Variants in ATXN3 observed in about 807,000 individuals in gnomAD.
ATXN3 encodes ataxin-3.
ATXN3 carries 28 observed loss-of-function variants against 58.2 expected under a neutral mutation model. The ratio of observed to expected loss-of-function variants is 0.48; its 90% CI spans 0.36 to 0.66. ATXN3 has a LOEUF of 0.66. Ranked by LOEUF, ATXN3 falls within the 30% of genes least tolerant of loss-of-function variation. The probability of loss-of-function intolerance (pLI) is 0.00; values close to 1 mark genes in which losing one functional copy is unlikely to be tolerated. For missense variants in ATXN3, 321 were observed against 422.1 expected, an observed-to-expected ratio of 0.76 and a Z score of 2.10; for synonymous variants, 113 against 138.5, an observed-to-expected ratio of 0.82 and a Z score of 1.29.
chr14:92,086,272 T>C (rs1011955125), intron 6 of ATXN3, among the ~76,000 whole-genome samples: 1 of 98,744 alleles, frequency 1.0e-5, no homozygotes, highest in Non-Finnish European at 2.0e-5. Context: ...AAAAAAAAAA[T>C]TTAGCCGGGG....
chr14:92,068,162 G>T (rs1168103887), intron 10 of ATXN3, among the ~76,000 whole-genome samples: 2 of 152,166 alleles, frequency 1.3e-5, no homozygotes, highest in African/African-American at 4.8e-5. Flanking sequence ...CTGACACCAT[G>T]TGAAAGGAGT....
intron 10 of ATXN3, among the ~76,000 whole-genome samples, chr14:92,065,584 AAAT>A (rs2058245723): frequency 6.6e-6 from 1 of 152,120 alleles, no homozygotes; most frequent in Admixed American, 6.6e-5. Flanking sequence ...TTGTAGGACT[AAAT>A]AATGATCTTC....
chr14:92,053,862 A>C (rs2057456537), downstream of ATXN3, among the ~76,000 whole-genome samples: 1 of 151,890 alleles, frequency 6.6e-6, no homozygotes, highest in African/African-American at 2.4e-5. Context: ...TAGATCTATG[A>C]GCTGACCCTA....
intron 9 of ATXN3, 99 bp from the exon 10 acceptor site, chr14:92,071,152 G>A (rs772351920): frequency 3.3e-5 from 48 of 1,472,858 alleles, no homozygotes; most frequent in Non-Finnish European, 4.1e-5. Context: ...ATTGTTTCAC[G>A]AATCAAAGTA....
At chr14:92,057,889 T>A (rs1410107896), downstream of ATXN3, among the ~76,000 whole-genome samples, 4 of 152,156 alleles carry the variant, frequency 2.6e-5, no homozygotes, top group East Asian at 1.9e-4. Flanking sequence ...TATTTTTTTT[T>A]AATAGAGATG....
At chr14:92,057,478 C>A (rs569376338), downstream of ATXN3, among the ~76,000 whole-genome samples, 1 of 152,214 alleles carries the variant, frequency 6.6e-6, no homozygotes, top group Non-Finnish European at 1.5e-5. Context: ...GCCCTCAGGG[C>A]TGCTCTACCT....
At chr14:92,098,354 G>A (rs2065902662) in intron 1 of ATXN3, among the ~76,000 whole-genome samples, 1 of 152,132 alleles carries the variant, frequency 6.6e-6, no homozygotes, top group Admixed American at 6.6e-5. Flanking sequence ...TTGGGAGGCC[G>A]AGGTGGGTGG....
chr14:92,100,263 C>G (rs891000957), intron 1 of ATXN3, among the ~76,000 whole-genome samples: 3 of 152,090 alleles, frequency 2.0e-5, no homozygotes, highest in Admixed American at 6.5e-5. Flanking sequence ...AATTCCATTA[C>G]TAGGTACATA....
Position 92,071,009 on chromosome 14 carries a change from CCCT to C in ATXN3, c.914_916del (p.Gln305_Gly306delinsArg), listed in dbSNP as rs759967732. The C allele has an allele frequency of 1.5e-4, 131 of 845,544 alleles. 7 individuals are homozygous for C. The highest frequency in any genetic ancestry group is 2.3e-4 in the South Asian group (12 of 53,126). 52.4% of individuals were successfully genotyped at this position (845,544 alleles called of 1,614,324 possible). On this transcript the variant is annotated inframe_deletion, in exon 10 of 11. Coordinates refer to ENST00000644486, the MANE Select transcript of ATXN3 (RefSeq NM_004993.6). Reference sequence around the variant, plus strand: ...ATGTGAACTCTGTCCTGATAGGTCCCCCTGCTGCTGCTGCTGCTGCTGCTGTTG... The same window carrying C: ...ATGTGAACTCTGTCCTGATAGGTCCCGCTGCTGCTGCTGCTGCTGCTGTTG...
intron 10 of ATXN3, among the ~76,000 whole-genome samples, chr14:92,066,089 CT>C (rs2058348061): frequency 8.5e-6 from 1 of 117,538 alleles, no homozygotes; most frequent in African/African-American, 3.9e-5. Context: ...GAGTGTAATA[CT>C]AAAAAAAAAA....
intron 10 of ATXN3, among the ~76,000 whole-genome samples, chr14:92,065,594 C>T (rs2058247400): frequency 6.6e-6 from 1 of 151,744 alleles, no homozygotes; most frequent in South Asian, 2.1e-4. Context: ...AAATAATGAT[C>T]TTCCAGGCTG....
chr14:92,067,864 C>T (rs1869802990), intron 10 of ATXN3, among the ~76,000 whole-genome samples: 1 of 152,218 alleles, frequency 6.6e-6, no homozygotes, highest in Non-Finnish European at 1.5e-5. Context: ...CAGGTTTCTT[C>T]AAGGCCTGTG....
At chr14:92,050,873 CA>C (rs895445603), upstream of ATXN3, among the ~76,000 whole-genome samples, 117 of 152,302 alleles carry the variant, frequency 7.7e-4, no homozygotes, top group African/African-American at 2.7e-3. Flanking sequence ...CTTGGCCTCC[CA>C]AAGTGCTAAG....
intron 2 of ATXN3, among the ~76,000 whole-genome samples, chr14:92,047,308 C>T (rs77643786): frequency 6.6e-6 from 1 of 152,176 alleles, no homozygotes; most frequent in Non-Finnish European, 1.5e-5. Flanking sequence ...AGATCCAGAT[C>T]CTGAGGTAAC....
At chr14:92,104,848 G>T (rs1230022424) in intron 1 of ATXN3, among the ~76,000 whole-genome samples, 1 of 151,810 alleles carries the variant, frequency 6.6e-6, no homozygotes, top group African/African-American at 2.4e-5. Context: ...GCTTGAACGG[G>T]GAGGCGGAGG....
intron 1 of ATXN3, among the ~76,000 whole-genome samples, chr14:92,103,779 C>T (rs1224027575): frequency 6.6e-6 from 1 of 152,114 alleles, no homozygotes; most frequent in Admixed American, 6.5e-5. Context: ...ACCAAGGTTC[C>T]AAGAGGAAAT....
chr14:92,084,753 T>A (rs567673127), intron 6 of ATXN3, among the ~76,000 whole-genome samples: 1 of 151,974 alleles, frequency 6.6e-6, no homozygotes, highest in Non-Finnish European at 1.5e-5. Context: ...TTAATGTTTG[T>A]ATTTTTAGGA....
chr14:92,091,824 T>G (rs908164192), intron 5 of ATXN3, among the ~76,000 whole-genome samples: 6 of 151,858 alleles, frequency 4.0e-5, no homozygotes, highest in African/African-American at 1.5e-4. Flanking sequence ...CACCTGGGAC[T>G]ACGGCCATGC....
intron 2 of ATXN3, chr14:92,096,415 G>A: frequency 1.0e-6 from 1 of 989,050 alleles, no homozygotes; most frequent in East Asian, 2.7e-5. Context: ...ATAAGGTCAG[G>A]AGTTTGAGAC....
Sources: allele counts gnomAD v4.1 joint callset (sites outside exome capture counted in the v4.1 genomes callset), GRCh38; gene constraint gnomAD v4.1.1; transcripts MANE v1.5; gene names NCBI Gene and HGNC (gene_info 2026-07-23, HGNC 2026-07-21).